The following AMZ1 variants were observed in gnomAD, a reference collection of about 807,000 sequenced individuals.
AMZ1 encodes archaemetzincin-1.
AMZ1 carries 39 observed loss-of-function variants against 29.9 expected under a neutral mutation model. The observed-to-expected ratio is 1.30, with a 90% CI of 1.01 to 1.70. The LOEUF is 1.70. Ranked by LOEUF, AMZ1 falls within the 40% of genes most tolerant of loss-of-function variation. AMZ1 has a pLI of 0.00. For missense variants in AMZ1, 1,041 were observed against 680.6 expected (o/e 1.53, Z -5.89); for synonymous variants, 458 against 304.0 (o/e 1.51, Z -5.27).
chr7:2,681,186 C>T (rs923483421), intron 1 of AMZ1, among the ~76,000 whole-genome samples: 1 of 152,050 alleles, frequency 6.6e-6, no homozygotes, highest in Admixed American at 6.6e-5. Context: ...GCCTGGCTAG[C>T]GTGCGCCTGG....
chr7:2,725,510 T>A (rs1481304982), intron 4 of AMZ1, among the ~76,000 whole-genome samples: 1 of 152,166 alleles, frequency 6.6e-6, no homozygotes, highest in African/African-American at 2.4e-5. Context: ...TTCCAGAGGG[T>A]TCTGGAGGGA....
chr7:2,719,268 C>G lies in AMZ1; in HGVS notation c.*6390C>G, dbSNP rs1038417069. The stretch of plus-strand genomic sequence containing the variant: ...CCTCCGGCCGCCTCTCCCGCCTGCA[C>G]CACTTGGAGGCAGTTGTTTCACGTG... On this transcript the variant is annotated 3_prime_UTR_variant, in exon 7 of 7. Transcript: ENST00000683327. Among the ~76,000 whole-genome samples, 1 of 152,212 alleles carries G rather than the reference C, an allele frequency of 6.6e-6. No individual in the cohort carries two copies. The highest frequency in any genetic ancestry group is 1.5e-5 in the Non-Finnish European group (1 of 68,042).
At chr7:2,756,641 G>C (rs749158601) in intron 4 of AMZ1, among the ~76,000 whole-genome samples, 4 of 149,576 alleles carry the variant, frequency 2.7e-5, no homozygotes, top group African/African-American at 9.8e-5. Flanking sequence ...ACATAGGAGA[G>C]GATCTGTGTG....
intron 4 of AMZ1, among the ~76,000 whole-genome samples, chr7:2,743,531 C>T (rs186557379): frequency 1.3e-5 from 2 of 152,104 alleles, no homozygotes; most frequent in African/African-American, 2.4e-5. Context: ...AATAAAGATA[C>T]ACAAAATCTT....
rs544572895 is a variant in AMZ1, at chr7:2,743,587, C to T, written n.551-21125C>T. 1.2e-4 allele frequency among the ~76,000 whole-genome samples: 18 copies of T among 152,304 alleles called. No individual in the cohort carries two copies. In the East Asian group the frequency reaches 2.9e-3, roughly 25 times the overall value. On this transcript the variant is annotated intron_variant and non_coding_transcript_variant, in intron 4 of 4. Coordinates refer to the AMZ1 transcript ENST00000489665. Reference sequence around the variant, plus strand: ...CAAGATGGCCGAATAGGAACAGCTCCGGTCTACAGCTCCCAGCGTGAGCAA... The same window carrying T: ...CAAGATGGCCGAATAGGAACAGCTCTGGTCTACAGCTCCCAGCGTGAGCAA...
At chr7:2,751,741 C>A (rs1177473742) in intron 4 of AMZ1, among the ~76,000 whole-genome samples, 1 of 152,182 alleles carries the variant, frequency 6.6e-6, no homozygotes, top group African/African-American at 2.4e-5. Flanking sequence ...CAACTTTATG[C>A]TAACAGATTG....
rs181674896 is a variant in AMZ1 at position 2,696,460 on chromosome 7, T to C, written c.-218-3774T>C. Among the ~76,000 whole-genome samples, 1,284 of 148,348 alleles carry C rather than the reference T, an allele frequency of 8.7e-3. 12 individuals are homozygous for C. The highest frequency in any genetic ancestry group is 0.013 in the Non-Finnish European group (894 of 66,938). ...TTTTAGTAGAGACGGGGTTTCACCA[T>C]GTTAGCCAGGATGGTCTCGATCTCC... On this transcript the variant is annotated intron_variant, in intron 1 of 6. Transcript: ENST00000683327.
intron 3 of AMZ1, among the ~76,000 whole-genome samples, chr7:2,703,807 A>G (rs1477567064): frequency 2.6e-5 from 4 of 152,118 alleles, no homozygotes; most frequent in African/African-American, 9.7e-5. Flanking sequence ...CTTCTCTATA[A>G]TATCTTTTAT....
intron 4 of AMZ1, among the ~76,000 whole-genome samples, chr7:2,756,594 G>A (rs190382888): frequency 1.3e-4 from 20 of 150,808 alleles, no homozygotes; most frequent in Non-Finnish European, 1.8e-4. Context: ...CAGCCTGAGT[G>A]AGACCCTGTC....
intron 4 of AMZ1, among the ~76,000 whole-genome samples, chr7:2,742,788 G>A (rs1790575963): frequency 6.6e-6 from 1 of 152,110 alleles, no homozygotes; most frequent in Non-Finnish European, 1.5e-5. Flanking sequence ...ATCTTTTATG[G>A]TGCTTCTTAA....
At position 2,700,600 on chromosome 7, in the gene AMZ1, CGCAGAG is replaced by C; in HGVS notation, c.151_156del (p.Gln51_Arg52del). The C allele has an allele frequency of 6.2e-7, 1 of 1,610,570 alleles. No homozygotes were observed. Among genetic ancestry groups the C allele is most frequent in the Non-Finnish European group, 8.5e-7 (1 of 1,179,988 alleles). ...CTCTTCCTGGCCGAGGCCTACAACC[CGCAGAG>C]GACGCTCTTCTGCACCCTGCTCATC... On this transcript the variant is annotated inframe_deletion, in exon 2 of 7. Transcript: ENST00000683327.
intron 4 of AMZ1, among the ~76,000 whole-genome samples, chr7:2,755,930 A>T (rs1791271773): frequency 6.6e-6 from 1 of 152,248 alleles, no homozygotes; most frequent in Non-Finnish European, 1.5e-5. Flanking sequence ...TCTCAATACA[A>T]ATCCCAGCAG....
chr7:2,737,124 G>C (rs1790222915), intron 4 of AMZ1, among the ~76,000 whole-genome samples: 1 of 152,154 alleles, frequency 6.6e-6, no homozygotes, highest in Non-Finnish European at 1.5e-5. Flanking sequence ...CCGTGGATTG[G>C]TCTCAGATGT....
chr7:2,687,928 G>A (rs1417323044), upstream of AMZ1, among the ~76,000 whole-genome samples: 1 of 152,218 alleles, frequency 6.6e-6, no homozygotes, highest in African/African-American at 2.4e-5. Flanking sequence ...GAGTAGCCGG[G>A]TTTACTCCTC....
At chr7:2,762,245 AAC>A (rs1791593714), upstream of AMZ1, 2 of 199,718 alleles carry the variant, frequency 1.0e-5, no homozygotes, top group East Asian at 2.1e-4. Flanking sequence ...ACTGCTAGGA[AAC>A]ACCACCCTGA....
At chr7:2,701,597 C>A (rs1287176113) in intron 2 of AMZ1, among the ~76,000 whole-genome samples, 1 of 152,218 alleles carries the variant, frequency 6.6e-6, no homozygotes, top group Non-Finnish European at 1.5e-5. Flanking sequence ...GCAGGGCCAG[C>A]TCTGTGCCTC....
intron 4 of AMZ1, among the ~76,000 whole-genome samples, chr7:2,750,288 T>G (rs1424127263): frequency 1.3e-5 from 2 of 152,068 alleles, no homozygotes; most frequent in Non-Finnish European, 2.9e-5. Context: ...GCCCCCAAAC[T>G]GCAGAGGCAG....
At chr7:2,693,009 A>G (rs930518587) in intron 1 of AMZ1, among the ~76,000 whole-genome samples, 1 of 151,866 alleles carries the variant, frequency 6.6e-6, no homozygotes, top group African/African-American at 2.4e-5. Context: ...CAGAGATCCC[A>G]CCTCAATGGA....
intron 1 of AMZ1, among the ~76,000 whole-genome samples, chr7:2,693,172 G>T (rs1787505955): frequency 6.6e-6 from 1 of 152,196 alleles, no homozygotes; most frequent in South Asian, 2.1e-4. Context: ...CGCGATTTCG[G>T]CTCACCGCAA....
Sources: gnomAD v4.1 joint callset for allele counts (sites outside exome capture counted in the v4.1 genomes callset) on GRCh38, gnomAD v4.1.1 for gene constraint, MANE v1.5 for transcripts, NCBI Gene and HGNC (gene_info 2026-07-23, HGNC 2026-07-21) for gene names.